Variants in PRKCE observed in about 807,000 individuals in gnomAD.
The protein encoded by PRKCE is protein kinase C epsilon.
PRKCE carries 16 observed loss-of-function variants against 85.4 expected under a neutral mutation model. The ratio of observed to expected loss-of-function variants is 0.19; its 90% CI spans 0.13 to 0.28. The LOEUF is 0.28. Among genes scored for constraint, PRKCE ranks in the 10% least tolerant of loss-of-function variants. PRKCE has a pLI of 1.00. For missense variants in PRKCE, 573 were observed against 975.2 expected (o/e 0.59, Z 5.49); for synonymous variants, 388 against 371.5 (o/e 1.04, Z -0.51).
intron 10 of PRKCE, among the ~76,000 whole-genome samples, chr2:46,077,441 G>C (rs1169014048): frequency 6.6e-6 from 1 of 152,028 alleles, no homozygotes; most frequent in Non-Finnish European, 1.5e-5. Context: ...AAAAAGAAAA[G>C]AACTAATCAT....
chr2:46,040,017 C>G (rs1486657442), intron 10 of PRKCE, among the ~76,000 whole-genome samples: 1 of 152,178 alleles, frequency 6.6e-6, no homozygotes, highest in Non-Finnish European at 1.5e-5. Context: ...GAGGGGAGGA[C>G]ATTTAATTTG....
At chr2:46,127,736 G>A (rs1028874308) in intron 11 of PRKCE, among the ~76,000 whole-genome samples, 23 of 152,194 alleles carry the variant, frequency 1.5e-4, no homozygotes, top group Admixed American at 2.6e-4. Context: ...TTGGGAGTTT[G>A]GTCAGAGTTC....
chr2:45,729,274 G>A (rs1219830637), intron 1 of PRKCE, among the ~76,000 whole-genome samples: 1 of 152,176 alleles, frequency 6.6e-6, no homozygotes, highest in Admixed American at 6.5e-5. Flanking sequence ...CTGGCTTATG[G>A]GAGACTGAGC....
chr2:45,939,854 G>A (rs1017558894), intron 2 of PRKCE, among the ~76,000 whole-genome samples: 1 of 152,198 alleles, frequency 6.6e-6, no homozygotes. Context: ...TGCCTGGCCC[G>A]CTAATGCACT....
intron 1 of PRKCE, among the ~76,000 whole-genome samples, chr2:45,701,141 G>A (rs920102802): frequency 6.6e-6 from 1 of 152,204 alleles, no homozygotes; most frequent in African/African-American, 2.4e-5. Flanking sequence ...TGTTGAAGAT[G>A]AAGTAGAATA....
intron 6 of PRKCE, among the ~76,000 whole-genome samples, chr2:45,994,635 G>C (rs1412116723): frequency 1.3e-5 from 2 of 152,136 alleles, no homozygotes; most frequent in African/African-American, 2.4e-5. Flanking sequence ...TTCTTTTTAA[G>C]GCTGGATAAT....
intron 1 of PRKCE, among the ~76,000 whole-genome samples, chr2:45,791,146 C>G (rs570948374): frequency 8.5e-5 from 13 of 152,068 alleles, no homozygotes; most frequent in African/African-American, 3.1e-4. Context: ...TGACTGGTCA[C>G]GGGGCTTGGG....
chr2:45,843,749 A>G (rs1292987696), intron 2 of PRKCE, among the ~76,000 whole-genome samples: 2 of 152,246 alleles, frequency 1.3e-5, no homozygotes, highest in African/African-American at 4.8e-5. Flanking sequence ...GAACAAGGAG[A>G]TAACAACCAA....
At chr2:46,034,114 G>T (rs573663150) in intron 10 of PRKCE, among the ~76,000 whole-genome samples, 2 of 152,178 alleles carry the variant, frequency 1.3e-5, no homozygotes, top group Non-Finnish European at 2.9e-5. Context: ...TAGAAATTTG[G>T]CTCTGAAATA....
chr2:45,908,455 T>A (rs1053082345), intron 2 of PRKCE, among the ~76,000 whole-genome samples: 6 of 152,164 alleles, frequency 3.9e-5, no homozygotes, highest in Non-Finnish European at 7.4e-5. Context: ...CTCTCGCCCA[T>A]TGGACAAAGG....
chr2:45,984,401 C>T, intron 5 of PRKCE, 150 bp from the exon 6 acceptor site: 1 of 1,092,328 alleles, frequency 9.2e-7, no homozygotes, highest in Non-Finnish European at 1.3e-6. Context: ...AAGCTCTTTT[C>T]ACCTCAGGGC....
intron 1 of PRKCE, among the ~76,000 whole-genome samples, chr2:45,802,846 A>G (rs1390149911): frequency 1.3e-5 from 2 of 152,204 alleles, no homozygotes; most frequent in Non-Finnish European, 2.9e-5. Context: ...ACTAAATCAT[A>G]TGGTGCTTTA....
intron 2 of PRKCE, among the ~76,000 whole-genome samples, chr2:45,857,425 A>G (rs1692765765): frequency 6.6e-6 from 1 of 152,256 alleles, no homozygotes; most frequent in Non-Finnish European, 1.5e-5. Context: ...CAGCCTGTCA[A>G]CCTGCTTAAG....
At chr2:45,874,021 G>T (rs1694287173) in intron 2 of PRKCE, among the ~76,000 whole-genome samples, 1 of 152,072 alleles carries the variant, frequency 6.6e-6, no homozygotes, top group Non-Finnish European at 1.5e-5. Context: ...CTGTAAAATG[G>T]GGCAGTGTTC....
chr2:46,159,575 A>G lies in PRKCE; in HGVS notation c.1921-31A>G. On this transcript the variant is annotated intron_variant, in intron 13 of 14. Coordinates refer to ENST00000306156, the MANE Select transcript of PRKCE (RefSeq NM_005400.3). The surrounding 1 kb of genome is among the most constrained non-coding windows in gnomAD (Gnocchi z 4.1). ...AGCCTGTGCTGGCCAGGCCTTTGTC[A>G]CTAATTCCGACTCTGTCCTCATCCC... is the stretch of plus-strand genomic sequence containing the variant. 1.3e-6 allele frequency: 2 copies of G among 1,560,472 alleles called. No homozygotes were observed. The highest frequency in any genetic ancestry group is 1.9e-5 in the Admixed American group (1 of 53,170).
In PRKCE at chr2:45,810,881, A is replaced by G. The variant is rs1479469671; in HGVS notation, c.349-32119A>G. On this transcript the variant is annotated intron_variant, in intron 1 of 14. Coordinates refer to ENST00000306156, the MANE Select transcript of PRKCE (RefSeq NM_005400.3). ...ATGATAAAATGGCTCCAAGACAATGAAAGTCTGAGATAACACAGAAGTGTC... is the reference window on the plus strand; with the variant it reads ...ATGATAAAATGGCTCCAAGACAATGGAAGTCTGAGATAACACAGAAGTGTC... 3.3e-5 allele frequency among the ~76,000 whole-genome samples: 5 copies of G among 152,174 alleles called. No individual in the cohort carries two copies. In the East Asian group the frequency reaches 9.6e-4, roughly 29 times the overall value.
intron 1 of PRKCE, among the ~76,000 whole-genome samples, chr2:45,732,550 A>T (rs1681670051): frequency 6.6e-6 from 1 of 152,196 alleles, no homozygotes. Flanking sequence ...TGTTTTACTT[A>T]TAGCTTACTT....
At chr2:45,678,042 G>C (rs1027902363) in intron 1 of PRKCE, 4 of 273,060 alleles carry the variant, frequency 1.5e-5, no homozygotes, top group African/African-American at 2.3e-5. Flanking sequence ...GTTCTACACC[G>C]AGCCAGGGGG....
intron 1 of PRKCE, among the ~76,000 whole-genome samples, chr2:45,724,291 C>T (rs1477947916): frequency 1.3e-5 from 2 of 152,092 alleles, no homozygotes; most frequent in Non-Finnish European, 2.9e-5. Context: ...TTTGGAGTGG[C>T]GTGAATTGCC....
Sources: allele counts gnomAD v4.1 joint callset (sites outside exome capture counted in the v4.1 genomes callset), GRCh38; gene constraint gnomAD v4.1.1; non-coding constraint Gnocchi (gnomAD v3.1); transcripts MANE v1.5; gene names NCBI Gene and HGNC (gene_info 2026-07-23, HGNC 2026-07-21).